Variants in ATP8B1 observed in about 807,000 individuals in gnomAD.
ATP8B1 encodes phospholipid-transporting ATPase IC.
ATP8B1 carries 80 observed loss-of-function variants against 149.9 expected under a neutral mutation model. The observed-to-expected ratio is 0.53, with a 90% CI of 0.45 to 0.64. The LOEUF is 0.64. Among genes scored for constraint, ATP8B1 ranks in the 30% least tolerant of loss-of-function variants. The pLI is 0.00. For synonymous variants in ATP8B1, 536 were observed against 562.8 expected (o/e 0.95, Z 0.67); for missense variants, 1,247 against 1,552.6 (o/e 0.80, Z 3.31).
In ATP8B1 at chr18:57,662,599, T is replaced by C; in HGVS notation, c.2302A>G (p.Arg768Gly). 1 of 1,614,204 alleles carries C rather than the reference T, an allele frequency of 6.2e-7. No individual in the cohort carries two copies. The highest frequency in any genetic ancestry group is 1.1e-5 in the South Asian group (1 of 91,088). Residue 768 changes from arginine (R) to glycine (G), a missense_variant, in exon 21 of 28, where the codon AGG becomes GGG. Physicochemically the swap from Arg to Gly is moderately radical, Grantham distance 125. Around this residue, in one of 3 missense-constraint regions of ATP8B1, gnomAD observed 853 missense variants for 1,035.7 expected, o/e 0.82. Coordinates refer to ENST00000648908, the MANE Select transcript of ATP8B1 (RefSeq NM_001374385.1). ...GEDINSLLHA[R>G]MENQRNRGGV... is the part of the protein sequence containing the mutation. Reference sequence around the variant, plus strand: ...CCTCTATTCCTCTGGTTTTCCATCCTTGCATGAAGAAGAGAACTAGGGGAA... The same window carrying C: ...CCTCTATTCCTCTGGTTTTCCATCCCTGCATGAAGAAGAGAACTAGGGGAA...
At chr18:57,774,458 A>G (rs1165473065) in intron 1 of ATP8B1, among the ~76,000 whole-genome samples, 2 of 152,208 alleles carry the variant, frequency 1.3e-5, no homozygotes, top group African/African-American at 4.8e-5. Context: ...TTAGCTGGAC[A>G]TGATGGTGTG....
rs78870574 is a variant in ATP8B1 at position 57,682,613 on chromosome 18, T to C, written c.1630+1423A>G. Among the ~76,000 whole-genome samples, 474 of 152,236 alleles carry C rather than the reference T, an allele frequency of 3.1e-3. 17 individuals carry two copies. In the East Asian group the frequency reaches 0.083, roughly 27 times the overall value. On this transcript the variant is annotated intron_variant, in intron 15 of 27. Coordinates refer to ENST00000648908, the MANE Select transcript of ATP8B1 (RefSeq NM_001374385.1). ...CTTTATGCTTATTGCCTGGGTAAAA[T>C]TGGCTTGGTGAGTCAAATAGACTTA...
intron 1 of ATP8B1, among the ~76,000 whole-genome samples, chr18:57,788,572 G>T (rs1418897186): frequency 1.3e-5 from 2 of 150,286 alleles, no homozygotes; most frequent in Non-Finnish European, 3.0e-5. Flanking sequence ...AAAAAAGAAA[G>T]AAAGGAAAAG....
At chr18:57,774,319 T>C (rs1159182809) in intron 1 of ATP8B1, among the ~76,000 whole-genome samples, 3 of 152,262 alleles carry the variant, frequency 2.0e-5, no homozygotes, top group Non-Finnish European at 4.4e-5. Context: ...TTTATTAGGC[T>C]GGGCACAGTG....
In ATP8B1 at chr18:57,674,392, T is replaced by TTG. The variant is rs1168236333; in HGVS notation, c.1819+441_1819+442insCA. Among the ~76,000 whole-genome samples the TTG allele has an allele frequency of 3.6e-5, 5 of 137,990 alleles. 1 individual carries two copies. The highest frequency in any genetic ancestry group is 8.0e-5 in the African/African-American group (3 of 37,310). 90.5% of individuals were successfully genotyped at this position (137,990 alleles called of 152,430 possible). ...AAGAAAACAATACCAGTTTCTTTTT[T>TTG]TTTTTTTTTTGAGACGGAGTCTTGC... On this transcript the variant is annotated intron_variant, in intron 16 of 27. Transcript: ENST00000648908.
Position 57,661,321 on chromosome 18 carries a change from CAA to C in ATP8B1, c.2558_2559del (p.Phe853CysfsTer44), listed in dbSNP as rs1910386189. On this transcript the variant is annotated frameshift_variant, in exon 22 of 28. Transcript: ENST00000648908. LOFTEE classifies it high-confidence loss of function. ...GCGCTGCACTCGCAGGCCAGGTCCA[CAA>C]AGTTTTTCTGCCGCTGCTCTTTCTT... Reference protein sequence around the residue: ...EAKKEQRQKNFVDLACECSAV... With the variant: ...EAKKEQRQKNXVDLACECSAV... 1 of 1,613,920 alleles carries C rather than the reference CAA, an allele frequency of 6.2e-7. No individual in the cohort carries two copies. The highest frequency in any genetic ancestry group is 8.5e-7 in the Non-Finnish European group (1 of 1,180,030).
At chr18:57,764,593 A>AT (rs570291504) in intron 1 of ATP8B1, among the ~76,000 whole-genome samples, 191 of 151,568 alleles carry the variant, frequency 1.3e-3, no homozygotes, top group African/African-American at 4.3e-3. Context: ...TAATTTTTGT[A>AT]TTTTTAGTAG....
chr18:57,789,426 G>A (rs2080440116), intron 1 of ATP8B1, among the ~76,000 whole-genome samples: 1 of 152,118 alleles, frequency 6.6e-6, no homozygotes, highest in African/African-American at 2.4e-5. Flanking sequence ...AAGAGACCAG[G>A]AAATTAATAC....
chr18:57,789,978 C>T (rs1365570059), intron 1 of ATP8B1, among the ~76,000 whole-genome samples: 2 of 152,142 alleles, frequency 1.3e-5, no homozygotes, highest in Admixed American at 1.3e-4. Context: ...GCTTGACCCC[C>T]GACCACACCT....
chr18:57,741,745 C>T (rs1271340347), intron 1 of ATP8B1, among the ~76,000 whole-genome samples: 2 of 152,196 alleles, frequency 1.3e-5, no homozygotes, highest in East Asian at 1.9e-4. Context: ...GTCAGGCACT[C>T]AATGTAGCCA....
intron 1 of ATP8B1, among the ~76,000 whole-genome samples, chr18:57,756,887 G>A (rs2080090891): frequency 6.6e-6 from 1 of 152,130 alleles, no homozygotes; most frequent in Non-Finnish European, 1.5e-5. Context: ...TTTCTCCACT[G>A]TATGTATTTT....
At chr18:57,650,255 A>G in intron 27 of ATP8B1, 112 bp downstream of exon 27, 4 of 1,384,370 alleles carry the variant, frequency 2.9e-6, no homozygotes, top group South Asian at 1.2e-5. Flanking sequence ...ATCATGAAAA[A>G]TCATTCTTAC....
At chr18:57,667,653 A>G (rs1280648952) in intron 19 of ATP8B1, 1 of 186,248 alleles carries the variant, frequency 5.4e-6, no homozygotes, top group Non-Finnish European at 1.1e-5. Context: ...TATATTATCA[A>G]ACATATAAAC....
At chr18:57,655,787 G>A (rs1405798059) in intron 22 of ATP8B1, among the ~76,000 whole-genome samples, 2 of 152,180 alleles carry the variant, frequency 1.3e-5, no homozygotes, top group East Asian at 3.9e-4. Flanking sequence ...TGTCAGTCAT[G>A]GGCAGATATG....
chr18:57,652,202 C>G, intron 25 of ATP8B1, 30 bp from the exon 26 acceptor site: 1 of 1,613,430 alleles, frequency 6.2e-7, no homozygotes, highest in Non-Finnish European at 8.5e-7. Context: ...AAACAGAGCA[C>G]TCATTTTGGG....
In ATP8B1 at chr18:57,697,552, G is replaced by A. The variant is rs894324890; in HGVS notation, c.698+66C>T. 35 of 1,546,786 alleles carry A rather than the reference G, an allele frequency of 2.3e-5. No individual in the cohort carries two copies. In the African/African-American group the frequency reaches 3.3e-4, roughly 14 times the overall value. On this transcript the variant is annotated intron_variant, in intron 8 of 27. Coordinates refer to ENST00000648908, the MANE Select transcript of ATP8B1 (RefSeq NM_001374385.1). Reference sequence around the variant, plus strand: ...CAAGCCGTCTGGTCCACAATGCCCCGATTTCAGTGGAATGAATGTGCCTTC... The same window carrying A: ...CAAGCCGTCTGGTCCACAATGCCCCAATTTCAGTGGAATGAATGTGCCTTC...
Position 57,692,010 on chromosome 18 carries a change from A to ATTCT in ATP8B1, c.1030-14_1030-13insAGAA, listed in dbSNP as rs1335975603. 1 of 1,606,392 alleles carries ATTCT rather than the reference A, an allele frequency of 6.2e-7. No homozygotes were observed. Among genetic ancestry groups the ATTCT allele is most frequent in the Non-Finnish European group, 8.5e-7 (1 of 1,176,500 alleles). On this transcript the variant is annotated splice_polypyrimidine_tract_variant and intron_variant, in intron 11 of 27. Coordinates refer to ENST00000648908, the MANE Select transcript of ATP8B1 (RefSeq NM_001374385.1). Reference sequence around the variant, plus strand: ...GAACAACAAAGATCTAGAAGACAGAAAACATTTAAATGCATTCTGAAGATG... The same window carrying ATTCT: ...GAACAACAAAGATCTAGAAGACAGAATTCTAACATTTAAATGCATTCTGAAGATG...
chr18:57,798,747 C>T (rs1220290349), intron 1 of ATP8B1, among the ~76,000 whole-genome samples: 1 of 152,166 alleles, frequency 6.6e-6, no homozygotes, highest in Non-Finnish European at 1.5e-5. Flanking sequence ...AGACAGCAAC[C>T]AGGCCCCCTC....
At chr18:57,719,300 C>T (rs537238381) in intron 2 of ATP8B1, among the ~76,000 whole-genome samples, 1 of 152,306 alleles carries the variant, frequency 6.6e-6, no homozygotes, top group East Asian at 1.9e-4. Flanking sequence ...CAGCTCCCAG[C>T]GTGAGAGACA....
Sources: gnomAD v4.1 joint callset for allele counts (sites outside exome capture counted in the v4.1 genomes callset) on GRCh38, gnomAD v4.1.1 for gene constraint, gnomAD v4.1.1 regional missense constraint, MANE v1.5 for transcripts, NCBI Gene and HGNC (gene_info 2026-07-23, HGNC 2026-07-21) for gene names.